Variants in LRRTM4 observed in about 807,000 individuals in gnomAD.
LRRTM4 encodes leucine rich repeat transmembrane neuronal 4.
A neutral mutation model predicts 47.6 loss-of-function variants in LRRTM4; 25 were observed. The observed-to-expected ratio is 0.53, with a 90% CI of 0.38 to 0.73. LRRTM4 has a LOEUF of 0.73. Ranked by LOEUF, LRRTM4 falls within the 30% of genes least tolerant of loss-of-function variation. The probability of loss-of-function intolerance (pLI) is 0.00; values close to 1 mark genes in which losing one functional copy is unlikely to be tolerated. For missense variants in LRRTM4, 638 were observed against 713.4 expected (o/e 0.89, Z 1.20); for synonymous variants, 311 against 269.5 (o/e 1.15, Z -1.51).
chr2:77,008,893 G>T (rs1677760423), intron 3 of LRRTM4: 1 of 147,534 alleles, frequency 6.8e-6, no homozygotes, highest in African/African-American at 2.5e-5. Context: ...ACACTTTACT[G>T]TATCATACAG....
intron 3 of LRRTM4, among the ~76,000 whole-genome samples, chr2:77,217,008 G>C (rs1471221853): frequency 6.6e-6 from 1 of 151,436 alleles, no homozygotes; most frequent in African/African-American, 2.4e-5. Flanking sequence ...GGGAGGCAGA[G>C]GTTGCGGTGA....
chr2:76,823,764 T>C (rs1671116659), intron 3 of LRRTM4, among the ~76,000 whole-genome samples: 1 of 151,508 alleles, frequency 6.6e-6, no homozygotes, highest in African/African-American at 2.4e-5. Context: ...GTCTTCTAGA[T>C]ATCAAAAAAT....
At chr2:77,202,458 C>T (rs181402977) in intron 3 of LRRTM4, among the ~76,000 whole-genome samples, 28 of 152,104 alleles carry the variant, frequency 1.8e-4, no homozygotes, top group East Asian at 9.7e-4. Flanking sequence ...CACGCTTTAA[C>T]GTATATGTCT....
At chr2:77,307,999 C>A (rs565565943) in intron 3 of LRRTM4, among the ~76,000 whole-genome samples, 5,324 of 129,224 alleles carry the variant, frequency 0.041, 616 homozygotes, top group African/African-American at 0.15. Flanking sequence ...TAGATATATA[C>A]AACATATATG....
chr2:76,853,361 CT>C, intron 3 of LRRTM4, among the ~76,000 whole-genome samples: 1 of 152,054 alleles, frequency 6.6e-6, no homozygotes, highest in South Asian at 2.1e-4. Flanking sequence ...TTTTTCTTTT[CT>C]TTTTAAATAC....
chr2:77,486,205 A>C (rs1200757011), intron 3 of LRRTM4, among the ~76,000 whole-genome samples: 3 of 152,176 alleles, frequency 2.0e-5, no homozygotes, highest in Admixed American at 2.0e-4. Flanking sequence ...TCAATAAAGC[A>C]TTGTCATCAG....
At chr2:77,093,108 C>G (rs1032856497) in intron 3 of LRRTM4, among the ~76,000 whole-genome samples, 2 of 146,698 alleles carry the variant, frequency 1.4e-5, no homozygotes, top group Admixed American at 6.7e-5. Context: ...GTCATCCCCA[C>G]TATCTTCTGT....
At chr2:77,317,810 A>C (rs1048304068) in intron 3 of LRRTM4, among the ~76,000 whole-genome samples, 1 of 152,076 alleles carries the variant, frequency 6.6e-6, no homozygotes, top group African/African-American at 2.4e-5. Context: ...CACTGACTGA[A>C]TATTGCCTAT....
chr2:77,304,312 T>G (rs1276708585), intron 3 of LRRTM4, among the ~76,000 whole-genome samples: 1 of 152,178 alleles, frequency 6.6e-6, no homozygotes, highest in African/African-American at 2.4e-5. Flanking sequence ...TTCTTGCTAT[T>G]GAATTGTTTG....
intron 3 of LRRTM4, among the ~76,000 whole-genome samples, chr2:77,173,330 TC>T (rs1401339720): frequency 6.6e-6 from 1 of 152,186 alleles, no homozygotes; most frequent in Admixed American, 6.5e-5. Context: ...AAAGAAGGCT[TC>T]CATTTACTCT....
In LRRTM4 at chr2:76,748,522, C is replaced by T. The variant is rs982929947; in HGVS notation, c.*173G>A. 11 of 606,962 alleles carry T rather than the reference C, an allele frequency of 1.8e-5. No individual in the cohort carries two copies. The highest frequency in any genetic ancestry group is 3.2e-5 in the Non-Finnish European group (11 of 345,414). The allele number at this position is 606,962 out of a possible 1,614,324, so 37.6% of individuals were successfully genotyped here. On this transcript the variant is annotated 3_prime_UTR_variant, in exon 4 of 4. Coordinates refer to ENST00000409884, the MANE Select transcript of LRRTM4 (RefSeq NM_001134745.3). ...CTCCCGGTAATGCTGCAGGTGCATTCGCTGCCCTCTTCAAGCAGTTTTTTT... is the reference window on the plus strand; with the variant it reads ...CTCCCGGTAATGCTGCAGGTGCATTTGCTGCCCTCTTCAAGCAGTTTTTTT...
chr2:77,113,945 CT>C (rs1441379389), intron 3 of LRRTM4, among the ~76,000 whole-genome samples: 1 of 152,090 alleles, frequency 6.6e-6, no homozygotes, highest in Admixed American at 6.5e-5. Flanking sequence ...CAAGTAGCGG[CT>C]CTTCGGGAAA....
At chr2:77,006,160 A>G (rs1033937453) in intron 3 of LRRTM4, among the ~76,000 whole-genome samples, 1 of 152,124 alleles carries the variant, frequency 6.6e-6, no homozygotes, top group Non-Finnish European at 1.5e-5. Context: ...GAGAATTTTT[A>G]TGTTTTAAAC....
At chr2:76,809,206 GGTCA>G (rs1034748056) in intron 3 of LRRTM4, among the ~76,000 whole-genome samples, 52 of 152,180 alleles carry the variant, frequency 3.4e-4, no homozygotes, top group African/African-American at 1.1e-3. Flanking sequence ...TTTTATCAGT[GGTCA>G]GTCTCCTGTA....
chr2:77,028,144 G>T (rs779027166), intron 3 of LRRTM4, among the ~76,000 whole-genome samples: 5 of 152,060 alleles, frequency 3.3e-5, no homozygotes, highest in Non-Finnish European at 7.4e-5. Flanking sequence ...CAAAAATTCA[G>T]TTGGAAAAAG....
intron 3 of LRRTM4, among the ~76,000 whole-genome samples, chr2:76,878,805 C>T (rs759560253): frequency 3.3e-5 from 5 of 151,858 alleles, no homozygotes; most frequent in Admixed American, 6.6e-5. Flanking sequence ...ACCCAGGAGG[C>T]GGAACTTGTG....
chr2:76,780,122 G>A (rs186318864), intron 3 of LRRTM4, among the ~76,000 whole-genome samples: 1,858 of 152,284 alleles, frequency 0.012, 40 homozygotes, highest in African/African-American at 0.04. Context: ...GGTTTCTGCC[G>A]AGAGATCCGC....
At chr2:77,062,796 C>A (rs1408095035) in intron 3 of LRRTM4, among the ~76,000 whole-genome samples, 2 of 152,036 alleles carry the variant, frequency 1.3e-5, no homozygotes, top group Non-Finnish European at 2.9e-5. Context: ...TTTAAGTGTT[C>A]TGTGATGTTG....
intron 3 of LRRTM4, among the ~76,000 whole-genome samples, chr2:76,842,223 G>T (rs576205333): frequency 6.6e-6 from 1 of 152,104 alleles, no homozygotes; most frequent in South Asian, 2.1e-4. Flanking sequence ...TGCAGGCCTC[G>T]GTGCTTCTGG....
Sources: gnomAD v4.1 joint callset for allele counts (sites outside exome capture counted in the v4.1 genomes callset) on GRCh38, gnomAD v4.1.1 for gene constraint, MANE v1.5 for transcripts, NCBI Gene and HGNC (gene_info 2026-07-23, HGNC 2026-07-21) for gene names.